The following NAV3 variants were observed in gnomAD, a reference collection of about 807,000 sequenced individuals.
NAV3 encodes pore membrane and/or filament interacting like protein 1.
In NAV3, 87 loss-of-function variants were observed where a neutral mutation model predicts 244.7. The observed-to-expected ratio is 0.36, with a 90% CI of 0.30 to 0.42. The LOEUF (loss-of-function observed/expected upper bound fraction) is 0.42. Ranked by LOEUF, NAV3 falls within the 20% of genes least tolerant of loss-of-function variation. The pLI, the probability that NAV3 is intolerant of heterozygous loss-of-function variation, is 1.00. For synonymous variants in NAV3, 1,126 were observed against 1,042.2 expected (o/e 1.08, Z -1.55); for missense variants, 2,663 against 2,893.3 (o/e 0.92, Z 1.83).
rs1182523487 is a variant in NAV3, at chr12:78,179,593, A to G, written c.5428A>G (p.Lys1810Glu). 1 of 1,613,398 alleles carries G rather than the reference A, an allele frequency of 6.2e-7. No individual in the cohort carries two copies. Residue 1810 changes from lysine (K) to glutamate (E), a missense_variant, in exon 29 of 40, where the codon AAG (lysine) becomes GAG (glutamate). By Grantham distance (56) the Lys-to-Glu change is moderately conservative. Around this residue, in one of 6 missense-constraint regions of NAV3, gnomAD observed 193 missense variants for 200.7 expected, o/e 0.96. Transcript: ENST00000397909. ...ILQLKSELRE[K>E]ELKLTDIRLE... ...GCAGCTGAAGAGCGAGCTCAGAGAA[A>G]AGGAATTAAAATTAACGGATATTCG... is the stretch of plus-strand genomic sequence containing the variant.
chr12:77,712,745 G>A (rs1876180523), intron 2 of NAV3, among the ~76,000 whole-genome samples: 2 of 152,202 alleles, frequency 1.3e-5, no homozygotes, highest in Non-Finnish European at 2.9e-5. Context: ...TTCTCTCAGA[G>A]ATAGCAATCA....
chr12:77,834,170 C>G (rs1484723781), intron 1 of NAV3, among the ~76,000 whole-genome samples: 1 of 152,172 alleles, frequency 6.6e-6, no homozygotes, highest in Non-Finnish European at 1.5e-5. Context: ...CCTGTCCTCA[C>G]TAGGTCCATG....
chr12:78,072,350 G>A (rs1451568039), intron 12 of NAV3, among the ~76,000 whole-genome samples: 2 of 123,670 alleles, frequency 1.6e-5, no homozygotes, highest in African/African-American at 6.1e-5. Flanking sequence ...ATGATAAAGG[G>A]GATATCACCA....
intron 20 of NAV3, among the ~76,000 whole-genome samples, chr12:78,140,646 T>G (rs1338829798): frequency 2.6e-5 from 4 of 152,302 alleles, no homozygotes; most frequent in East Asian, 3.9e-4. Flanking sequence ...GTATGTAGTC[T>G]GCTATACTAT....
chr12:77,590,340 C>G (rs1869849580), intron 2 of NAV3, among the ~76,000 whole-genome samples: 1 of 152,146 alleles, frequency 6.6e-6, no homozygotes, highest in Admixed American at 6.6e-5. Flanking sequence ...AGCAAATTCT[C>G]CAGCAGAAGG....
At chr12:77,693,261 A>C in intron 2 of NAV3, among the ~76,000 whole-genome samples, 1 of 152,256 alleles carries the variant, frequency 6.6e-6, no homozygotes, top group East Asian at 1.9e-4. Context: ...ATTTTACAAA[A>C]GAAATAATAG....
At chr12:78,190,846 C>T (rs1958944702) in intron 34 of NAV3, among the ~76,000 whole-genome samples, 2 of 152,198 alleles carry the variant, frequency 1.3e-5, no homozygotes, top group South Asian at 2.1e-4. Context: ...GCCTATACGG[C>T]GTAGCCTGTA....
chr12:77,867,085 G>T (rs888464727), intron 1 of NAV3, among the ~76,000 whole-genome samples: 2 of 152,114 alleles, frequency 1.3e-5, no homozygotes, highest in East Asian at 3.9e-4. Flanking sequence ...TGATATGTTT[G>T]GCTGTGTCCT....
intron 2 of NAV3, among the ~76,000 whole-genome samples, chr12:77,603,026 G>T (rs1425814625): frequency 6.6e-6 from 1 of 152,016 alleles, no homozygotes; most frequent in East Asian, 1.9e-4. Flanking sequence ...GTATAAGCAT[G>T]CTATCTTGAC....
At chr12:77,999,675 G>T (rs968932356) in intron 7 of NAV3, among the ~76,000 whole-genome samples, 1 of 151,922 alleles carries the variant, frequency 6.6e-6, no homozygotes, top group Non-Finnish European at 1.5e-5. Context: ...GTGTATATTT[G>T]GAAGTTAGGA....
chr12:78,200,080 A>G (rs931522566), intron 37 of NAV3, among the ~76,000 whole-genome samples: 31 of 152,202 alleles, frequency 2.0e-4, no homozygotes, highest in African/African-American at 6.5e-4. Flanking sequence ...CACTGTCAAC[A>G]CAGTTTAGAT....
chr12:78,094,858 C>T (rs911227260), intron 12 of NAV3, among the ~76,000 whole-genome samples: 30 of 151,630 alleles, frequency 2.0e-4, no homozygotes, highest in Non-Finnish European at 1.0e-4. Context: ...ACCATCCTGG[C>T]CAACATGGTG....
intron 8 of NAV3, among the ~76,000 whole-genome samples, chr12:78,013,933 TA>T (rs1443789822): frequency 6.6e-6 from 1 of 152,044 alleles, no homozygotes; most frequent in African/African-American, 2.4e-5. Flanking sequence ...CATCCTGAGC[TA>T]TATAATTTGA....
intron 2 of NAV3, among the ~76,000 whole-genome samples, chr12:77,621,201 T>C (rs1277578485): frequency 6.6e-6 from 1 of 152,188 alleles, no homozygotes; most frequent in Admixed American, 6.5e-5. Context: ...TCCTATATTT[T>C]CTAGATCAAG....
At chr12:77,623,616 G>T (rs1871481375) in intron 2 of NAV3, among the ~76,000 whole-genome samples, 1 of 152,160 alleles carries the variant, frequency 6.6e-6, no homozygotes, top group African/African-American at 2.4e-5. Flanking sequence ...CCGCTGCTCA[G>T]CATTATTTGG....
rs189824119 is a variant in NAV3 at position 78,117,727 on chromosome 12, G to A, written c.2770-300G>A. On this transcript the variant is annotated intron_variant, in intron 13 of 39. Transcript: ENST00000397909. ...CTGTTGTGAATGATAAATCAAAAAT[G>A]AAAAATGGACATTACATCATTAAGT... 1.1e-4 allele frequency among the ~76,000 whole-genome samples: 17 copies of A among 151,930 alleles called. 1 individual carries two copies. The East Asian group carries it at 3.1e-3, about 28-fold the overall frequency.
chr12:77,811,998 C>T (rs916116953), intron 2 of NAV3, among the ~76,000 whole-genome samples: 1 of 152,186 alleles, frequency 6.6e-6, no homozygotes, highest in East Asian at 1.9e-4. Context: ...CTTGACACTT[C>T]TTCATCGTAT....
At chr12:77,597,513 C>A (rs1170009829) in intron 2 of NAV3, among the ~76,000 whole-genome samples, 2 of 152,004 alleles carry the variant, frequency 1.3e-5, no homozygotes, top group Admixed American at 1.3e-4. Context: ...TTTTTGCTAG[C>A]ATATTAAGTA....
intron 2 of NAV3, among the ~76,000 whole-genome samples, chr12:77,755,563 C>T (rs1869102555): frequency 1.8e-5 from 1 of 56,360 alleles, no homozygotes; most frequent in Non-Finnish European, 3.3e-5. Context: ...CTTTCCTTTC[C>T]TTTCCTTTCC....
Sources: gnomAD v4.1 joint callset for allele counts (sites outside exome capture counted in the v4.1 genomes callset) on GRCh38, gnomAD v4.1.1 for gene constraint, gnomAD v4.1.1 regional missense constraint, MANE v1.5 for transcripts, NCBI Gene and HGNC (gene_info 2026-07-23, HGNC 2026-07-21) for gene names.